EEFSEC: variants seen among roughly 807,000 people sequenced by gnomAD.
EEFSEC encodes the protein eukaryotic elongation factor, selenocysteine-tRNA specific, also known as selenocysteine-specific elongation factor.
Under a neutral mutation model 42.1 loss-of-function variants are expected in EEFSEC, and 43 were observed. The ratio of observed to expected loss-of-function variants is 1.02; its 90% CI spans 0.80 to 1.32. The LOEUF (loss-of-function observed/expected upper bound fraction) is 1.32, where lower values mean the gene tolerates loss of function less well. Among genes scored for constraint, EEFSEC ranks in the 40% most tolerant of loss-of-function variants. The probability of loss-of-function intolerance (pLI) is 0.00; values close to 1 mark genes in which losing one functional copy is unlikely to be tolerated. For missense variants in EEFSEC, 745 were observed against 803.6 expected, an observed-to-expected ratio of 0.93 and a Z score of 0.88; for synonymous variants, 354 against 339.1, an observed-to-expected ratio of 1.04 and a Z score of -0.48.
At chr3:128,232,754 A>T (rs2065971481) in intron 1 of EEFSEC, among the ~76,000 whole-genome samples, 2 of 152,184 alleles carry the variant, frequency 1.3e-5, no homozygotes, top group South Asian at 4.2e-4. Flanking sequence ...TAAAAAGATT[A>T]CCCTAGATAG....
chr3:128,283,656 G>C (rs1219999186), intron 4 of EEFSEC, among the ~76,000 whole-genome samples: 1 of 152,208 alleles, frequency 6.6e-6, no homozygotes. Context: ...TAGGAGTCAA[G>C]TGTCACCGTT....
chr3:128,377,688 T>C (rs1459373247), intron 6 of EEFSEC, among the ~76,000 whole-genome samples: 1 of 151,310 alleles, frequency 6.6e-6, no homozygotes, highest in African/African-American at 2.4e-5. Context: ...TGTTTTAATA[T>C]GTAGGGTATT....
At chr3:128,259,688 C>G (rs2999067) in intron 2 of EEFSEC, among the ~76,000 whole-genome samples, 1 of 152,120 alleles carries the variant, frequency 6.6e-6, no homozygotes, top group Non-Finnish European at 1.5e-5. Flanking sequence ...CTACTAATCT[C>G]CTTTCTGTTT....
At chr3:128,268,706 G>A (rs1171300646) in intron 4 of EEFSEC, among the ~76,000 whole-genome samples, 1 of 152,048 alleles carries the variant, frequency 6.6e-6, no homozygotes, top group Admixed American at 6.5e-5. Flanking sequence ...AGAGATTGGA[G>A]CTCTGTTGTT....
intron 4 of EEFSEC, among the ~76,000 whole-genome samples, chr3:128,275,259 A>G (rs901033921): frequency 5.9e-5 from 9 of 152,198 alleles, no homozygotes; most frequent in African/African-American, 1.7e-4. Context: ...GTAAATGGCA[A>G]TTGACAGTGC....
rs946915025 is a variant in EEFSEC at position 128,367,606 on chromosome 3, T to C, written c.1600+9233T>C. 1.2e-5 allele frequency: 12 copies of C among 983,070 alleles called. No individual in the cohort carries two copies. The African/African-American group carries it at 1.9e-4, about 16-fold the overall frequency. 60.9% of individuals were successfully genotyped at this position (983,070 alleles called of 1,614,324 possible). The stretch of plus-strand genomic sequence containing the variant: ...CACAAGGCCTACCTCAGGGATGCCG[T>C]GAGACTGCAACATTGCTGCACCCCT... On this transcript the variant is annotated intron_variant, in intron 6 of 6. Coordinates refer to ENST00000254730, the MANE Select transcript of EEFSEC (RefSeq NM_021937.5).
intron 1 of EEFSEC, among the ~76,000 whole-genome samples, chr3:128,188,896 A>G (rs896362410): frequency 6.6e-6 from 1 of 152,132 alleles, no homozygotes; most frequent in African/African-American, 2.4e-5. Context: ...GGAGTTTGAT[A>G]GAGGGGCTAT....
intron 1 of EEFSEC, among the ~76,000 whole-genome samples, chr3:128,228,407 C>T (rs1230414134): frequency 6.6e-6 from 1 of 152,156 alleles, no homozygotes; most frequent in Non-Finnish European, 1.5e-5. Flanking sequence ...ATGCTCCAGG[C>T]ACATGTGCAT....
At chr3:128,155,508 G>GA (rs1157853575) in intron 1 of EEFSEC, among the ~76,000 whole-genome samples, 1 of 152,056 alleles carries the variant, frequency 6.6e-6, no homozygotes, top group Non-Finnish European at 1.5e-5. Context: ...TTTGTTTTTA[G>GA]AAAAAATGAT....
At chr3:128,295,975 AC>A (rs756345124) in intron 4 of EEFSEC, among the ~76,000 whole-genome samples, 2 of 152,148 alleles carry the variant, frequency 1.3e-5, no homozygotes, top group African/African-American at 2.4e-5. Context: ...TGACTGAGTG[AC>A]CTATAGGGCA....
At chr3:128,360,738 G>A (rs908465141) in intron 6 of EEFSEC, among the ~76,000 whole-genome samples, 1 of 151,916 alleles carries the variant, frequency 6.6e-6, no homozygotes, top group Non-Finnish European at 1.5e-5. Flanking sequence ...GGGTGGGAGT[G>A]GAGGGAGGAG....
intron 2 of EEFSEC, among the ~76,000 whole-genome samples, chr3:128,260,501 G>A (rs990254599): frequency 6.6e-6 from 1 of 152,164 alleles, no homozygotes; most frequent in Non-Finnish European, 1.5e-5. Context: ...CAGGGAAAAG[G>A]CTATTTGCAC....
chr3:128,243,389 C>T (rs966536556), intron 1 of EEFSEC, among the ~76,000 whole-genome samples: 1 of 152,222 alleles, frequency 6.6e-6, no homozygotes, highest in East Asian at 1.9e-4. Flanking sequence ...GGGCCTGATG[C>T]GTGGAGCACA....
At chr3:128,285,650 A>G (rs564967982) in intron 4 of EEFSEC, among the ~76,000 whole-genome samples, 5 of 152,222 alleles carry the variant, frequency 3.3e-5, no homozygotes, top group African/African-American at 1.2e-4. Context: ...GTTGTTTTCA[A>G]AAATTTAGCC....
intron 1 of EEFSEC, among the ~76,000 whole-genome samples, chr3:128,161,842 A>AT (rs2065191090): frequency 6.6e-6 from 1 of 152,108 alleles, no homozygotes; most frequent in Non-Finnish European, 1.5e-5. Flanking sequence ...TTTCAACCAG[A>AT]TTTTTTTGTG....
At chr3:128,199,592 G>A (rs928426858) in intron 1 of EEFSEC, among the ~76,000 whole-genome samples, 2 of 152,160 alleles carry the variant, frequency 1.3e-5, no homozygotes, top group Admixed American at 1.3e-4. Context: ...TTTGCTAGGT[G>A]AACGTAATCT....
intron 6 of EEFSEC, chr3:128,367,711 T>C: frequency 6.1e-6 from 6 of 985,394 alleles, no homozygotes; most frequent in Non-Finnish European, 7.2e-6. Context: ...GACCCAGAGA[T>C]GAGTGAAGCA....
At chr3:128,398,352 G>A (rs1310706892) in intron 6 of EEFSEC, among the ~76,000 whole-genome samples, 2 of 152,302 alleles carry the variant, frequency 1.3e-5, no homozygotes, top group Non-Finnish European at 2.9e-5. Context: ...CGCCAGTCCC[G>A]AGGCTGGGGC....
chr3:128,348,293 C>CGT lies in EEFSEC; in HGVS notation c.1443+6419_1443+6420dup, dbSNP rs760753689. Among the ~76,000 whole-genome samples the CGT allele has an allele frequency of 2.1e-4, 29 of 135,672 alleles. No individual in the cohort carries two copies. The East Asian group carries it at 3.5e-3, about 17-fold the overall frequency. 89.0% of individuals were successfully genotyped at this position (135,672 alleles called of 152,430 possible). ...GTGCGTGTGCGTGTGTGTGTGTGTG[C>CGT]GTGTGTGTGTGTGTGTTCATTCTTT... On this transcript the variant is annotated intron_variant, in intron 5 of 6. Transcript: ENST00000254730.
Sources: gnomAD v4.1 joint callset for allele counts (sites outside exome capture counted in the v4.1 genomes callset) on GRCh38, gnomAD v4.1.1 for gene constraint, MANE v1.5 for transcripts, NCBI Gene and HGNC (gene_info 2026-07-23, HGNC 2026-07-21) for gene names.